Variants in ANKDD1A observed in about 807,000 individuals in gnomAD.
ANKDD1A encodes the protein ankyrin repeat and death domain containing 1A, also known as ankyrin repeat and death domain-containing protein 1A.
In ANKDD1A, 59 loss-of-function variants were observed where a neutral mutation model predicts 63.5. The observed-to-expected ratio is 0.93, with a 90% CI of 0.75 to 1.15. ANKDD1A has a LOEUF of 1.15. Ranked by LOEUF, ANKDD1A falls within the 50% of genes most tolerant of loss-of-function variation. The pLI is 0.00. For synonymous variants in ANKDD1A, 266 were observed against 263.9 expected, an observed-to-expected ratio of 1.01 and a Z score of -0.08; for missense variants, 632 against 656.4, an observed-to-expected ratio of 0.96 and a Z score of 0.41.
At chr15:64,926,271 G>A in intron 5 of ANKDD1A, 101 bp downstream of exon 5, 1 of 1,197,876 alleles carries the variant, frequency 8.3e-7, no homozygotes, top group Non-Finnish European at 1.2e-6. Flanking sequence ...TGCATCCTTT[G>A]ATCTGTGGGC....
chr15:64,956,588 G>A (rs1038968217), intron 14 of ANKDD1A, among the ~76,000 whole-genome samples: 7 of 152,160 alleles, frequency 4.6e-5, no homozygotes, highest in Non-Finnish European at 7.4e-5. Context: ...AGAGTTTCAC[G>A]CTTGTTGCCC....
chr15:64,927,516 A>G (rs2085054530), intron 6 of ANKDD1A, among the ~76,000 whole-genome samples: 2 of 151,878 alleles, frequency 1.3e-5, no homozygotes, highest in African/African-American at 4.8e-5. Context: ...GGGGTAAGGG[A>G]CGGGGACCAG....
At chr15:64,921,001 C>T (rs976316941) in intron 3 of ANKDD1A, among the ~76,000 whole-genome samples, 7 of 152,136 alleles carry the variant, frequency 4.6e-5, no homozygotes, top group African/African-American at 1.4e-4. Flanking sequence ...GACAGGGTTT[C>T]GCTCTGTCAC....
intron 9 of ANKDD1A, among the ~76,000 whole-genome samples, chr15:64,941,024 T>G (rs545544914): frequency 1.2e-4 from 19 of 152,238 alleles, no homozygotes; most frequent in Non-Finnish European, 1.9e-4. Flanking sequence ...ATTACAGGTG[T>G]GAGCTACCAC....
At chr15:64,954,381 T>C (rs1357049826) in intron 14 of ANKDD1A, among the ~76,000 whole-genome samples, 33 of 7,994 alleles carry the variant, frequency 4.1e-3, no homozygotes, top group Admixed American at 0.015. Context: ...TTCCTTTTCT[T>C]TTCTTCTTCT....
At chr15:64,933,891 G>T (rs1391573941) in intron 8 of ANKDD1A, among the ~76,000 whole-genome samples, 1 of 152,106 alleles carries the variant, frequency 6.6e-6, no homozygotes, top group Non-Finnish European at 1.5e-5. Context: ...CATAGAATTG[G>T]GCAGGCTTTG....
chr15:64,924,311 G>T (rs1258061238), intron 4 of ANKDD1A, among the ~76,000 whole-genome samples: 2 of 152,370 alleles, frequency 1.3e-5, no homozygotes, highest in South Asian at 2.1e-4. Context: ...GGGCTCTAGA[G>T]GCCAAGGCTG....
intron 14 of ANKDD1A, among the ~76,000 whole-genome samples, chr15:64,954,137 TTTC>T (rs1318701771): frequency 4.4e-5 from 6 of 137,706 alleles, no homozygotes; most frequent in African/African-American, 1.0e-4. Flanking sequence ...CTTCTTCCTC[TTTC>T]TTCTTGTTCC....
chr15:64,951,397 CTTTTTTCT>C, intron 14 of ANKDD1A: 1 of 168,838 alleles, frequency 5.9e-6, no homozygotes, highest in Non-Finnish European at 7.4e-6. Context: ...TCTTCTTCCT[CTTTTTTCT>C]TTTTTCTTTT....
chr15:64,941,531 C>A (rs1595854399), intron 9 of ANKDD1A, among the ~76,000 whole-genome samples: 1 of 152,182 alleles, frequency 6.6e-6, no homozygotes, highest in Admixed American at 6.5e-5. Context: ...ATTTTTTGTT[C>A]AAATCTTCTT....
intron 14 of ANKDD1A, among the ~76,000 whole-genome samples, chr15:64,954,069 C>A (rs1176926514): frequency 8.6e-5 from 2 of 23,306 alleles, no homozygotes; most frequent in African/African-American, 1.4e-4. Flanking sequence ...CTTCTTTCTT[C>A]TTCCTCTTTT....
rs557622738 is a variant in ANKDD1A, at chr15:64,952,309, TTC to T, written c.1483+2339_1483+2340del. Among the ~76,000 whole-genome samples, 18 of 147,470 alleles carry T rather than the reference TTC, an allele frequency of 1.2e-4. No homozygotes were observed. In the South Asian group the frequency reaches 1.3e-3, roughly 11 times the overall value. On this transcript the variant is annotated intron_variant, in intron 14 of 14. Transcript: ENST00000319580. ...TTCTCCTTCCTCTCCTCCTCCTTCG[TTC>T]TTTTTCTTTCTTCCTTCTTCCTTCT...
chr15:64,938,200 C>T (rs965362199), intron 9 of ANKDD1A, among the ~76,000 whole-genome samples: 3 of 152,170 alleles, frequency 2.0e-5, no homozygotes, highest in Non-Finnish European at 4.4e-5. Context: ...AGATATCATG[C>T]TCTCAAGGAG....
intron 14 of ANKDD1A, among the ~76,000 whole-genome samples, chr15:64,954,472 CCTCTT>C (rs2085387017): frequency 7.4e-6 from 1 of 135,306 alleles, no homozygotes; most frequent in Admixed American, 7.0e-5. Context: ...TCTCCTTCTT[CCTCTT>C]TTTCTTCTTC....
rs2085268391 is a variant in ANKDD1A at position 64,951,302 on chromosome 15, C to CTT, written c.1483+1331_1483+1332dup. 2.0e-5 allele frequency: 17 copies of CTT among 863,880 alleles called. 1 individual carries two copies. Among genetic ancestry groups the CTT allele is most frequent in the Middle Eastern group, 6.0e-4 (1 of 1,674 alleles). 53.5% of individuals were successfully genotyped at this position (863,880 alleles called of 1,614,324 possible). A position where few individuals can be genotyped will look rare whatever the true frequency, so the allele number is the denominator to read the frequency against. The stretch of plus-strand genomic sequence containing the variant: ...TTCTTTTTCTTTTCTTCTTCTTCTT[C>CTT]TTCTCTTCTTCTTCTTTCTTCTTTC... On this transcript the variant is annotated intron_variant, in intron 14 of 14. Coordinates refer to ENST00000319580, the MANE Select transcript of ANKDD1A (RefSeq NM_182703.6).
chr15:64,940,517 C>T (rs2085174114), intron 9 of ANKDD1A, among the ~76,000 whole-genome samples: 1 of 152,082 alleles, frequency 6.6e-6, no homozygotes. Context: ...ACTGCAAGCT[C>T]CGCCTTCCAG....
intron 3 of ANKDD1A, among the ~76,000 whole-genome samples, chr15:64,918,586 G>A (rs990378233): frequency 1.3e-5 from 2 of 152,100 alleles, no homozygotes; most frequent in Admixed American, 1.3e-4. Flanking sequence ...CCACTGTGCT[G>A]TTATTTCTTC....
At chr15:64,943,823 A>T in intron 11 of ANKDD1A, 1 of 536,666 alleles carries the variant, frequency 1.9e-6, no homozygotes, top group South Asian at 2.3e-5. Flanking sequence ...CTGTGAAATG[A>T]TTGCTTTCTC....
At chr15:64,943,317 T>C (rs2085198840) in intron 10 of ANKDD1A, 167 bp from the exon 11 acceptor site, 1 of 640,490 alleles carries the variant, frequency 1.6e-6, no homozygotes. Context: ...AGATGTAAAA[T>C]GTACATATAA....
Sources: gnomAD v4.1 joint callset for allele counts (sites outside exome capture counted in the v4.1 genomes callset) on GRCh38, gnomAD v4.1.1 for gene constraint, MANE v1.5 for transcripts, NCBI Gene and HGNC (gene_info 2026-07-23, HGNC 2026-07-21) for gene names.